PTPRN2: variants seen among roughly 807,000 people sequenced by gnomAD.
The protein encoded by PTPRN2 is receptor-type tyrosine-protein phosphatase N2.
PTPRN2 carries 74 observed loss-of-function variants against 118.8 expected under a neutral mutation model. That is an observed-to-expected ratio of 0.62 (90% CI 0.52 to 0.76). PTPRN2 has a LOEUF of 0.76. PTPRN2 is among the 30% of genes least tolerant of loss of function. The probability of loss-of-function intolerance (pLI) is 0.00; values close to 1 mark genes in which losing one functional copy is unlikely to be tolerated. For missense variants in PTPRN2, 1,481 were observed against 1,394.4 expected, an observed-to-expected ratio of 1.06 and a Z score of -0.99; for synonymous variants, 641 against 608.0, an observed-to-expected ratio of 1.05 and a Z score of -0.80.
chr7:157,946,652 C>G (rs946564482), intron 11 of PTPRN2, among the ~76,000 whole-genome samples: 1 of 152,182 alleles, frequency 6.6e-6, no homozygotes, highest in Non-Finnish European at 1.5e-5. Flanking sequence ...AGGCCAGCAG[C>G]CACAGGGATG....
At position 157,659,674 on chromosome 7, in the gene PTPRN2, C is replaced by T. The variant is rs549189816; in HGVS notation, c.2002-3123G>A. 3.6e-4 allele frequency among the ~76,000 whole-genome samples: 55 copies of T among 152,138 alleles called. 1 individual carries two copies. In the South Asian group the frequency reaches 0.011, roughly 31 times the overall value. On this transcript the variant is annotated intron_variant, in intron 13 of 22. Coordinates refer to ENST00000389418, the MANE Select transcript of PTPRN2 (RefSeq NM_002847.5). ...GTTTAAAAAAATCCACCCACGTTTT[C>T]TCAGAATCTCAAAAACAAAGCAAAA... is the stretch of plus-strand genomic sequence containing the variant.
At chr7:158,381,295 C>G (rs755463398) in intron 2 of PTPRN2, among the ~76,000 whole-genome samples, 10 of 152,188 alleles carry the variant, frequency 6.6e-5, no homozygotes, top group African/African-American at 1.2e-4. Context: ...ACCAAGCACC[C>G]AAGTCACCTT....
At chr7:158,150,981 G>A (rs897746055) in intron 6 of PTPRN2, among the ~76,000 whole-genome samples, 2 of 151,712 alleles carry the variant, frequency 1.3e-5, no homozygotes, top group African/African-American at 2.4e-5. Context: ...AGCAATGTCT[G>A]TTCCTCTCAG....
intron 14 of PTPRN2, among the ~76,000 whole-genome samples, chr7:157,638,993 T>A (rs1287284410): frequency 6.6e-6 from 1 of 152,136 alleles, no homozygotes; most frequent in African/African-American, 2.4e-5. Flanking sequence ...CCTGCTCATC[T>A]TTGACTCTAG....
At chr7:157,553,825 T>C (rs1415774241) in intron 21 of PTPRN2, among the ~76,000 whole-genome samples, 14 of 152,322 alleles carry the variant, frequency 9.2e-5, no homozygotes, top group Admixed American at 8.5e-4. Context: ...GACTAACTCC[T>C]TACTTCAAGT....
chr7:158,578,198 T>C (rs1828440014), intron 1 of PTPRN2, among the ~76,000 whole-genome samples: 1 of 151,884 alleles, frequency 6.6e-6, no homozygotes, highest in African/African-American at 2.4e-5. Flanking sequence ...TTAGCATATC[T>C]AAAAAAAGTG....
intron 3 of PTPRN2, among the ~76,000 whole-genome samples, chr7:158,210,866 T>G (rs570408885): frequency 1.3e-5 from 2 of 152,352 alleles, no homozygotes; most frequent in Admixed American, 6.5e-5. Context: ...ATCACTTCAC[T>G]GCTGAATTTT....
At chr7:157,634,340 T>C (rs369473902) in intron 14 of PTPRN2, among the ~76,000 whole-genome samples, 3 of 152,244 alleles carry the variant, frequency 2.0e-5, no homozygotes, top group African/African-American at 4.8e-5. Context: ...CCAATAGCCT[T>C]CATGCTTTTG....
chr7:158,331,545 A>T (rs1804448821), intron 2 of PTPRN2, among the ~76,000 whole-genome samples: 1 of 144,728 alleles, frequency 6.9e-6, no homozygotes, highest in Non-Finnish European at 1.5e-5. Flanking sequence ...TCACCATAAG[A>T]GCTGACACCC....
intron 2 of PTPRN2, among the ~76,000 whole-genome samples, chr7:158,454,759 T>TGACACGGA (rs1818346066): frequency 6.6e-6 from 1 of 152,314 alleles, no homozygotes; most frequent in East Asian, 1.9e-4. Context: ...GCAGGTTCAG[T>TGACACGGA]GACAGCAGAG....
intron 12 of PTPRN2, among the ~76,000 whole-genome samples, chr7:157,743,340 G>A (rs1212815566): frequency 6.6e-6 from 1 of 152,158 alleles, no homozygotes; most frequent in Admixed American, 6.5e-5. Flanking sequence ...GCTAAGCTGT[G>A]GAGTGGAGCC....
chr7:158,540,238 G>A (rs548757074), intron 1 of PTPRN2, among the ~76,000 whole-genome samples: 12 of 152,250 alleles, frequency 7.9e-5, no homozygotes, highest in South Asian at 6.2e-4. Context: ...CAGGAGCCTC[G>A]GGCCCACCAA....
intron 12 of PTPRN2, among the ~76,000 whole-genome samples, chr7:157,843,329 G>A (rs555883602): frequency 1.3e-5 from 2 of 152,318 alleles, no homozygotes; most frequent in South Asian, 4.1e-4. Context: ...CATTTGAGGT[G>A]TGTATAATTA....
At chr7:157,842,555 C>T (rs983073169) in intron 12 of PTPRN2, among the ~76,000 whole-genome samples, 3 of 151,956 alleles carry the variant, frequency 2.0e-5, no homozygotes, top group South Asian at 2.1e-4. Flanking sequence ...GCTGGAATTA[C>T]AGGCAGGCAC....
At chr7:158,395,780 C>A (rs192809446) in intron 2 of PTPRN2, among the ~76,000 whole-genome samples, 6,249 of 39,376 alleles carry the variant, frequency 0.16, 1,345 homozygotes, top group East Asian at 0.53. Context: ...GGGTGAGGCG[C>A]GAGGGGCGAG....
At chr7:158,367,437 C>T (rs1354843040) in intron 2 of PTPRN2, among the ~76,000 whole-genome samples, 2 of 152,202 alleles carry the variant, frequency 1.3e-5, no homozygotes, top group Non-Finnish European at 2.9e-5. Flanking sequence ...AAGGGAAAGG[C>T]CACGGCCATC....
chr7:157,774,480 T>A (rs1332972755), intron 12 of PTPRN2, among the ~76,000 whole-genome samples: 1 of 152,226 alleles, frequency 6.6e-6, no homozygotes, highest in Non-Finnish European at 1.5e-5. Context: ...CAACCAAGAT[T>A]TCACTGGAAG....
chr7:158,382,234 G>A (rs532580773), intron 2 of PTPRN2, among the ~76,000 whole-genome samples: 35 of 152,146 alleles, frequency 2.3e-4, no homozygotes, highest in South Asian at 4.2e-4. Context: ...GAACAGCCCC[G>A]GGGGTCAGGA....
chr7:157,774,672 G>C (rs1004305678), intron 12 of PTPRN2, among the ~76,000 whole-genome samples: 4 of 152,186 alleles, frequency 2.6e-5, no homozygotes, highest in African/African-American at 9.6e-5. Flanking sequence ...TTAGGAAGCT[G>C]GCCTTGGGCT....
Sources: allele counts gnomAD v4.1 joint callset (sites outside exome capture counted in the v4.1 genomes callset), GRCh38; gene constraint gnomAD v4.1.1; transcripts MANE v1.5; gene names NCBI Gene and HGNC (gene_info 2026-07-23, HGNC 2026-07-21).